CRACDL: variants seen among roughly 807,000 people sequenced by gnomAD.
The protein encoded by CRACDL is CRACD like, also known as CRACD-like protein.
A neutral mutation model predicts 70.6 loss-of-function variants in CRACDL; 26 were observed. That is an observed-to-expected ratio of 0.37 (90% CI 0.27 to 0.51). The LOEUF (loss-of-function observed/expected upper bound fraction) is 0.51, where lower values mean the gene tolerates loss of function less well. Ranked by LOEUF, CRACDL falls within the 20% of genes least tolerant of loss-of-function variation. The pLI, the probability that CRACDL is intolerant of heterozygous loss-of-function variation, is 0.94. For missense variants in CRACDL, 1,283 were observed against 1,376.9 expected (o/e 0.93, Z 1.08); for synonymous variants, 618 against 615.2 (o/e 1.00, Z -0.07).
chr2:98,844,707 A>ATCC (rs1298846666), intron 2 of CRACDL, among the ~76,000 whole-genome samples: 1 of 152,218 alleles, frequency 6.6e-6, no homozygotes, highest in East Asian at 1.9e-4. Context: ...CATTCATAGT[A>ATCC]TCCTGTTGCC....
intron 1 of CRACDL, among the ~76,000 whole-genome samples, chr2:98,872,635 C>T (rs757040108): frequency 2.0e-5 from 3 of 152,122 alleles, no homozygotes; most frequent in Non-Finnish European, 4.4e-5. Flanking sequence ...GAATGTATCC[C>T]CGTCATTTGA....
rs144793767 is a variant in CRACDL, at chr2:98,872,215, G to A, written c.-10-25405C>T. 2.0e-4 allele frequency among the ~76,000 whole-genome samples: 30 copies of A among 152,232 alleles called. 1 individual carries two copies. In the East Asian group the frequency reaches 4.1e-3, roughly 21 times the overall value. ...TCCACTAAAAATACAAAAATTAGCC[G>A]GGCGTGGTGGCACATGCCTGTAATC... On this transcript the variant is annotated intron_variant, in intron 1 of 9. Coordinates refer to ENST00000397899, the MANE Select transcript of CRACDL (RefSeq NM_207362.3).
Position 98,818,284 on chromosome 2 carries a change from C to T in CRACDL, c.2416+3573G>A, listed in dbSNP as rs1234809630. The stretch of plus-strand genomic sequence containing the variant: ...CCACTCCAGCACAGCCCCTGTGAGG[C>T]TCAGCCCCTTTGGCAACCCAGGCTC... On this transcript the variant is annotated intron_variant, in intron 7 of 9. Coordinates refer to ENST00000397899, the MANE Select transcript of CRACDL (RefSeq NM_207362.3). Among the ~76,000 whole-genome samples the T allele has an allele frequency of 2.0e-5, 3 of 152,242 alleles. No individual in the cohort carries two copies. In the East Asian group the frequency reaches 5.8e-4, roughly 29 times the overall value.
intron 2 of CRACDL, among the ~76,000 whole-genome samples, chr2:98,844,517 C>G (rs773151177): frequency 2.2e-4 from 33 of 152,230 alleles, no homozygotes; most frequent in Non-Finnish European, 3.7e-4. Context: ...AGGAGCCCAC[C>G]CTATTCCAAT....
chr2:98,848,896 T>C (rs1323525392), intron 1 of CRACDL, among the ~76,000 whole-genome samples: 1 of 152,176 alleles, frequency 6.6e-6, no homozygotes, highest in Admixed American at 6.5e-5. Context: ...GCAGAGAACA[T>C]TTCTGATATT....
At chr2:98,846,659 C>G in intron 2 of CRACDL, 72 bp downstream of exon 2, 3 of 1,296,816 alleles carry the variant, frequency 2.3e-6, no homozygotes, top group Non-Finnish European at 3.4e-6. Flanking sequence ...AAAGGCCTGC[C>G]TCTGTCAGTC....
chr2:98,909,142 CA>C (rs1363872499), intron 1 of CRACDL, among the ~76,000 whole-genome samples: 1 of 152,158 alleles, frequency 6.6e-6, no homozygotes, highest in Non-Finnish European at 1.5e-5. Flanking sequence ...AGTGAAAATT[CA>C]GAAGAGATTG....
intron 1 of CRACDL, among the ~76,000 whole-genome samples, chr2:98,920,136 T>C (rs189375465): frequency 1.3e-5 from 2 of 152,242 alleles, no homozygotes; most frequent in East Asian, 3.9e-4. Context: ...AATCCATAAG[T>C]TAATTTGGAA....
chr2:98,879,279 C>A (rs950554488), intron 1 of CRACDL, among the ~76,000 whole-genome samples: 2 of 152,204 alleles, frequency 1.3e-5, no homozygotes, highest in Non-Finnish European at 2.9e-5. Context: ...CAAACCTGCA[C>A]TCGCTTTTAT....
rs1706270961 is a variant in CRACDL at position 98,846,748 on chromosome 2, A to G, written c.53T>C (p.Leu18Pro). The change falls in exon 2 of 10, where the codon CTT becomes CCT. Residue 18 changes from leucine (L) to proline (P), a missense_variant. Leu to Pro is a moderately conservative substitution (Grantham distance 98). Around this residue, in one of 2 missense-constraint regions of CRACDL, gnomAD observed 362 missense variants for 495.0 expected, o/e 0.73. Transcript: ENST00000397899. Reference protein sequence around the residue: ...DIKLREAAEGLGEDSTGKKKS... With the variant: ...DIKLREAAEGPGEDSTGKKKS... ...GGCCTTACCTGTGCTGTCCTCCCCA[A>G]GGCCTTCTGCAGCCTCCCGAAGCTT... The G allele has an allele frequency of 6.2e-7, 1 of 1,614,184 alleles. No homozygotes were observed. Among genetic ancestry groups the G allele is most frequent in the Non-Finnish European group, 8.5e-7 (1 of 1,180,000 alleles).
chr2:98,805,550 A>C (rs1461708251), intron 7 of CRACDL, among the ~76,000 whole-genome samples: 2 of 151,414 alleles, frequency 1.3e-5, no homozygotes, highest in African/African-American at 4.9e-5. Context: ...TCATCCACAC[A>C]ATCTCCCTCC....
At chr2:98,886,670 A>C (rs1412021311) in intron 1 of CRACDL, among the ~76,000 whole-genome samples, 1 of 152,226 alleles carries the variant, frequency 6.6e-6, no homozygotes, top group African/African-American at 2.4e-5. Flanking sequence ...TCATTAGCTG[A>C]TTGCTAAGCC....
rs767360786 is a variant in CRACDL at position 98,823,070 on chromosome 2, C to A, written c.1203G>T (p.Pro401=). 9.6e-6 allele frequency: 15 copies of A among 1,570,470 alleles called. No individual in the cohort carries two copies. Among genetic ancestry groups the A allele is most frequent in the Admixed American group, 3.6e-5 (2 of 55,606 alleles). Residue 401 remains proline, a synonymous_variant, in exon 7 of 10, where the codon CCG becomes CCT. Coordinates refer to ENST00000397899, the MANE Select transcript of CRACDL (RefSeq NM_207362.3). The surrounding 1 kb of genome is among the most constrained non-coding windows in gnomAD (Gnocchi z 4.0). The part of the protein sequence containing the change: ...VVCAPEDVAS[P]FPTAIPEGDT... ...CCCCCTCAGGGATGGCGGTGGGAAA[C>A]GGGCTCGCGACGTCTTCGGGAGCAC...
intron 1 of CRACDL, among the ~76,000 whole-genome samples, chr2:98,930,942 A>ATGTGTGTG (rs140634438): frequency 6.7e-6 from 1 of 149,664 alleles, no homozygotes; most frequent in African/African-American, 2.4e-5. Context: ...ATGCTCATGT[A>ATGTGTGTG]TGTGTGTGTG....
At chr2:98,901,294 G>T (rs1011100909) in intron 1 of CRACDL, among the ~76,000 whole-genome samples, 4 of 152,248 alleles carry the variant, frequency 2.6e-5, no homozygotes, top group African/African-American at 9.6e-5. Flanking sequence ...CTGCCACAGT[G>T]GGAAAGTTGC....
At chr2:98,905,107 G>A (rs1326942388) in intron 1 of CRACDL, among the ~76,000 whole-genome samples, 1 of 151,812 alleles carries the variant, frequency 6.6e-6, no homozygotes, top group African/African-American at 2.4e-5. Context: ...AAATTTAGCC[G>A]GGCATAGTGG....
chr2:98,933,131 C>A (rs2104712938), intron 1 of CRACDL, among the ~76,000 whole-genome samples: 1 of 152,294 alleles, frequency 6.6e-6, no homozygotes, highest in Middle Eastern at 3.4e-3. Flanking sequence ...GACCTCTGGG[C>A]CAATGGAAGA....
chr2:98,889,285 G>GAA (rs1350102603), intron 1 of CRACDL, among the ~76,000 whole-genome samples: 17 of 141,072 alleles, frequency 1.2e-4, no homozygotes, highest in African/African-American at 2.5e-4. Flanking sequence ...GAAAAAGAGA[G>GAA]AGAAAGAAAG....
chr2:98,806,368 G>A (rs1423795072), intron 7 of CRACDL, among the ~76,000 whole-genome samples: 1 of 152,274 alleles, frequency 6.6e-6, no homozygotes, highest in Non-Finnish European at 1.5e-5. Flanking sequence ...TGTATTGGGG[G>A]CACCCCAAGG....
Sources: allele counts gnomAD v4.1 joint callset (sites outside exome capture counted in the v4.1 genomes callset), GRCh38; gene constraint gnomAD v4.1.1; regional missense constraint gnomAD v4.1.1; non-coding constraint Gnocchi (gnomAD v3.1); transcripts MANE v1.5; gene names NCBI Gene and HGNC (gene_info 2026-07-23, HGNC 2026-07-21).